CCDC7: variants seen among roughly 807,000 people sequenced by gnomAD.
The protein encoded by CCDC7 is coiled-coil domain-containing protein 7.
Under a neutral mutation model 196.9 loss-of-function variants are expected in CCDC7, and 183 were observed. That is an observed-to-expected ratio of 0.93 (90% confidence interval 0.82 to 1.05). The LOEUF is 1.05. Among genes scored for constraint, CCDC7 ranks in the 50% least tolerant of loss-of-function variants. The probability of loss-of-function intolerance (pLI) is 0.00; values close to 1 mark genes in which losing one functional copy is unlikely to be tolerated. For synonymous variants in CCDC7, 525 were observed against 484.6 expected (o/e 1.08, Z -1.10); for missense variants, 1,540 against 1,482.2 (o/e 1.04, Z -0.64).
chr10:32,499,397 A>G (rs1211399300), intron 9 of CCDC7: 1 of 152,124 alleles, frequency 6.6e-6, no homozygotes, highest in Admixed American at 6.5e-5. Context: ...GTTTTCTAAA[A>G]TTATTGTGAT....
intron 28 of CCDC7, among the ~76,000 whole-genome samples, chr10:32,736,999 C>T (rs746004912): frequency 7.9e-5 from 12 of 152,070 alleles, no homozygotes; most frequent in Non-Finnish European, 1.6e-4. Context: ...TTGTTTTTTG[C>T]AGATATTCTT....
At chr10:32,586,783 T>TA (rs1161513005) in intron 18 of CCDC7, among the ~76,000 whole-genome samples, 7 of 152,208 alleles carry the variant, frequency 4.6e-5, no homozygotes, top group African/African-American at 7.2e-5. Context: ...TGTAGCCTTG[T>TA]AGTATAGTTT....
chr10:32,858,788 C>T (rs1368863923), intron 41 of CCDC7, among the ~76,000 whole-genome samples: 1 of 151,686 alleles, frequency 6.6e-6, no homozygotes, highest in Non-Finnish European at 1.5e-5. Context: ...TCTGATAAAA[C>T]AGACTTTAAA....
At chr10:32,511,784 G>A (rs2046255473) in intron 9 of CCDC7, 3 of 1,384,398 alleles carry the variant, frequency 2.2e-6, no homozygotes, top group Non-Finnish European at 3.1e-6. Context: ...CCGGAAAGCG[G>A]TCGGGCAACG....
intron 13 of CCDC7, among the ~76,000 whole-genome samples, chr10:32,546,175 G>A (rs1315127841): frequency 6.6e-6 from 1 of 152,174 alleles, no homozygotes; most frequent in Non-Finnish European, 1.5e-5. Context: ...AAAGGATTCT[G>A]TAAGGGAATC....
intron 1 of CCDC7, 35 bp downstream of exon 2, chr10:32,451,956 C>A: frequency 6.3e-7 from 1 of 1,576,790 alleles, no homozygotes; most frequent in Non-Finnish European, 8.6e-7. Flanking sequence ...TTGCAGGGCC[C>A]CCATGATCAC....
At chr10:32,705,185 T>C (rs1463620474) in intron 24 of CCDC7, among the ~76,000 whole-genome samples, 1 of 152,132 alleles carries the variant, frequency 6.6e-6, no homozygotes, top group East Asian at 1.9e-4. Context: ...TAGAAAAGAA[T>C]TTTCAACCCA....
chr10:32,845,456 ATCC>A, intron 34 of CCDC7, 84 bp from the exon 36 acceptor site: 3 of 1,273,556 alleles, frequency 2.4e-6, no homozygotes, highest in Admixed American at 2.0e-5. Flanking sequence ...ATTCATGAAT[ATCC>A]TCCTATAATT....
At chr10:32,698,010 G>A (rs1251465177) in intron 24 of CCDC7, among the ~76,000 whole-genome samples, 1 of 152,130 alleles carries the variant, frequency 6.6e-6, no homozygotes, top group African/African-American at 2.4e-5. Context: ...TTGCTCTTCT[G>A]CAATATTATA....
chr10:32,577,225 G>A (rs2137278287), intron 16 of CCDC7, among the ~76,000 whole-genome samples: 1 of 152,216 alleles, frequency 6.6e-6, no homozygotes. Context: ...AGCTGGGCAT[G>A]GTCGTGCGCG....
At chr10:32,558,179 T>G (rs1039799249) in intron 13 of CCDC7, among the ~76,000 whole-genome samples, 1 of 152,218 alleles carries the variant, frequency 6.6e-6, no homozygotes, top group African/African-American at 2.4e-5. Flanking sequence ...CTTTTCTGTT[T>G]CTTCAAATGT....
intron 20 of CCDC7, among the ~76,000 whole-genome samples, chr10:32,641,906 C>T (rs2139883959): frequency 6.6e-6 from 1 of 152,312 alleles, no homozygotes; most frequent in African/African-American, 2.4e-5. Flanking sequence ...TTGGAGTTTG[C>T]TGGAGGTCCA....
chr10:32,480,928 A>G (rs1000541203), intron 8 of CCDC7, among the ~76,000 whole-genome samples: 5 of 152,196 alleles, frequency 3.3e-5, no homozygotes, highest in African/African-American at 1.2e-4. Context: ...TGATTTGTCC[A>G]TTATTGAATG....
At chr10:32,551,203 G>T (rs2053420936) in intron 13 of CCDC7, among the ~76,000 whole-genome samples, 1 of 151,978 alleles carries the variant, frequency 6.6e-6, no homozygotes, top group Non-Finnish European at 1.5e-5. Context: ...GTTCATAGTA[G>T]CCTTGAATTA....
At chr10:32,714,236 G>A (rs2081259997) in intron 25 of CCDC7, among the ~76,000 whole-genome samples, 1 of 152,176 alleles carries the variant, frequency 6.6e-6, no homozygotes, top group African/African-American at 2.4e-5. Flanking sequence ...GAAAGTGGGT[G>A]CAGCTCAAGG....
At chr10:32,585,417 G>A (rs1017113358) in intron 18 of CCDC7, among the ~76,000 whole-genome samples, 1 of 152,164 alleles carries the variant, frequency 6.6e-6, no homozygotes, top group Admixed American at 6.5e-5. Flanking sequence ...GGATACATGT[G>A]CAGAACGTGC....
chr10:32,584,483 C>A (rs1052875281), intron 18 of CCDC7, among the ~76,000 whole-genome samples, 179 bp downstream of exon 19: 1 of 139,792 alleles, frequency 7.2e-6, no homozygotes. Context: ...GTGGGCCAGG[C>A]GTGGTGGCTC....
chr10:32,591,622 A>G (rs760106361), intron 18 of CCDC7, among the ~76,000 whole-genome samples: 4 of 152,176 alleles, frequency 2.6e-5, no homozygotes, highest in Non-Finnish European at 5.9e-5. Flanking sequence ...CACAAAAAAT[A>G]AAAGTGAGTA....
intron 18 of CCDC7, among the ~76,000 whole-genome samples, chr10:32,610,428 A>AT (rs1406302850): frequency 6.6e-6 from 1 of 151,820 alleles, no homozygotes; most frequent in Non-Finnish European, 1.5e-5. Flanking sequence ...TATTATTATT[A>AT]TTTTTTATTG....
Sources: gnomAD v4.1 joint callset for allele counts (sites outside exome capture counted in the v4.1 genomes callset) on GRCh38, gnomAD v4.1.1 for gene constraint, MANE v1.5 for transcripts, NCBI Gene and HGNC (gene_info 2026-07-23, HGNC 2026-07-21) for gene names.